The following HGFAC variants were observed in gnomAD, a reference collection of about 807,000 sequenced individuals.
HGFAC encodes HGF activator.
In HGFAC, 76 loss-of-function variants were observed where a neutral mutation model predicts 70.6. The ratio of observed to expected loss-of-function variants is 1.08; its 90% CI spans 0.89 to 1.30. The LOEUF (loss-of-function observed/expected upper bound fraction) is 1.30. HGFAC is among the 50% of genes most tolerant of loss of function. HGFAC has a pLI of 0.00. For missense variants in HGFAC, 1,044 were observed against 933.7 expected (o/e 1.12, Z -1.54); for synonymous variants, 464 against 405.3 (o/e 1.14, Z -1.74).
rs1725658765 is a variant in HGFAC, at chr4:3,449,480, C to G, written c.*61C>G. 1.4e-6 allele frequency: 2 copies of G among 1,459,070 alleles called. No homozygotes were observed. Among genetic ancestry groups the G allele is most frequent in the Admixed American group, 2.4e-5 (1 of 41,060 alleles). The allele number at this position is 1,459,070 out of a possible 1,614,324, so 90.4% of individuals were successfully genotyped here. On this transcript the variant is annotated 3_prime_UTR_variant, in exon 14 of 14. Coordinates refer to ENST00000382774, the MANE Select transcript of HGFAC (RefSeq NM_001528.4). Reference sequence around the variant, plus strand: ...TGCCTTGCTGACAATAAAGATATTTCCAAGAACCCGGCCCACGCTGCCTGG... The same window carrying G: ...TGCCTTGCTGACAATAAAGATATTTGCAAGAACCCGGCCCACGCTGCCTGG...
chr4:3,443,678 G>A (rs1306203837), intron 4 of HGFAC, among the ~76,000 whole-genome samples: 1 of 152,188 alleles, frequency 6.6e-6, no homozygotes, highest in Admixed American at 6.5e-5. Context: ...CAGCCACACA[G>A]GCGTGCCCCA....
chr4:3,446,798 C>T (rs1039320574), intron 10 of HGFAC, among the ~76,000 whole-genome samples: 14 of 152,304 alleles, frequency 9.2e-5, no homozygotes, highest in Non-Finnish European at 1.9e-4. Context: ...ACGGAGCAGC[C>T]TGGGCCAGAC....
chr4:3,445,045 C>T (rs755317395), intron 8 of HGFAC, 52 bp downstream of exon 8: 14 of 1,490,520 alleles, frequency 9.4e-6, no homozygotes, highest in African/African-American at 1.4e-5. Flanking sequence ...CAGGATTTGT[C>T]CTGGGGAGAG....
chr4:3,446,850 G>A (rs1669125870), intron 10 of HGFAC, among the ~76,000 whole-genome samples: 1 of 152,192 alleles, frequency 6.6e-6, no homozygotes, highest in African/African-American at 2.4e-5. Flanking sequence ...TTAGGGGCAG[G>A]GGTCCGGCCA....
At chr4:3,444,470 C>G (rs1412804627) in intron 6 of HGFAC, 28 bp downstream of exon 6, 1 of 1,562,308 alleles carries the variant, frequency 6.4e-7, no homozygotes. Flanking sequence ...AGCCGTGCCA[C>G]TGACCCCTGA....
At chr4:3,445,753 CTGACTG>C (rs1725486010) in intron 9 of HGFAC, 1 of 976,704 alleles carries the variant, frequency 1.0e-6, no homozygotes, top group South Asian at 1.5e-5. Flanking sequence ...GTGGGGGTCT[CTGACTG>C]TGCTGGGGCT....
chr4:3,444,618 C>T lies in HGFAC; in HGVS notation c.731-5C>T. ...CCTGGCCCAGCTCCTCGGCCCTGCC[C>T]CCAGCTTGTCTGAGCAGCCCTTGCC... On this transcript the variant is annotated splice_region_variant and splice_polypyrimidine_tract_variant and intron_variant, in intron 6 of 13. Coordinates refer to ENST00000382774, the MANE Select transcript of HGFAC (RefSeq NM_001528.4). 6.3e-7 allele frequency: 1 copy of T among 1,589,352 alleles called. No individual in the cohort carries two copies. Among genetic ancestry groups the T allele is most frequent in the Non-Finnish European group, 8.5e-7 (1 of 1,173,636 alleles).
chr4:3,442,177 T>G, intron 1 of HGFAC, 59 bp downstream of exon 1: 1 of 1,343,964 alleles, frequency 7.4e-7, no homozygotes, highest in Non-Finnish European at 1.0e-6. Context: ...TTGGGGTCCT[T>G]GGGAGGAGGC....
chr4:3,447,793 G>A, intron 11 of HGFAC, 102 bp from the exon 12 acceptor site: 2 of 1,540,884 alleles, frequency 1.3e-6, no homozygotes, highest in East Asian at 2.3e-5. Context: ...CTCCCAGGCT[G>A]CCCTGTGGAC....
intron 4 of HGFAC, among the ~76,000 whole-genome samples, chr4:3,443,627 G>C (rs1021896168): frequency 2.6e-5 from 4 of 152,184 alleles, no homozygotes; most frequent in African/African-American, 9.7e-5. Flanking sequence ...CGCGGCCATC[G>C]CTGGGGCCAA....
At chr4:3,448,534 G>T (rs1269577569) in intron 13 of HGFAC, among the ~76,000 whole-genome samples, 1 of 152,192 alleles carries the variant, frequency 6.6e-6, no homozygotes, top group South Asian at 2.1e-4. Flanking sequence ...GTCCCACAGA[G>T]CCCGGACAGT....
intron 1 of HGFAC, 135 bp from the exon 2 acceptor site, chr4:3,442,597 C>T (rs534192086): frequency 1.4e-5 from 8 of 569,300 alleles, no homozygotes; most frequent in Admixed American, 5.9e-5. Context: ...TCAGGAATGT[C>T]GTGTGTCCTC....
upstream of HGFAC, among the ~76,000 whole-genome samples, chr4:3,441,337 TG>T (rs557501453): frequency 2.0e-5 from 3 of 152,170 alleles, no homozygotes; most frequent in East Asian, 3.9e-4. This position sits in a 1 kb window ranked among gnomAD's most constrained non-coding sequence, Gnocchi z 6.0. Flanking sequence ...CAGGGGCTGC[TG>T]GGGGGCCCTG....
chr4:3,444,137 T>A lies in HGFAC; in HGVS notation c.574T>A (p.Phe192Ile), dbSNP rs150376439. The stretch of plus-strand genomic sequence containing the variant: ...CTATCACTGCAGCTGCCCCCGGGCC[T>A]TCACCGGCAAGGACTGCGGCACAGG... ...QSYHCSCPRA[F>I]TGKDCGTEKC... is the part of the protein sequence containing the mutation. The change falls in exon 5 of 14, where the codon TTC becomes ATC. Residue 192 changes from phenylalanine (F) to isoleucine (I), a missense_variant. Phe to Ile is a conservative substitution (Grantham distance 21, BLOSUM62 0). Coordinates refer to ENST00000382774, the MANE Select transcript of HGFAC (RefSeq NM_001528.4). 1.5e-3 allele frequency: 2,405 copies of A among 1,610,912 alleles called. 21 individuals are homozygous for A. Among genetic ancestry groups the A allele is most frequent in the East Asian group, 9.8e-3 (440 of 44,760 alleles).
rs1725363292 is a variant in HGFAC, at chr4:3,442,914, T to C, written c.298+2T>C. On this transcript the variant is annotated splice_donor_variant, in intron 2 of 13. Coordinates refer to ENST00000382774, the MANE Select transcript of HGFAC (RefSeq NM_001528.4). LOFTEE classifies it high-confidence loss of function. Reference sequence around the variant, plus strand: ...CGAGCAGTAGCCCCCAGGCCCAAGGTGGGTCAGGTGGGCCTGGGAGGAGGT... The same window carrying C: ...CGAGCAGTAGCCCCCAGGCCCAAGGCGGGTCAGGTGGGCCTGGGAGGAGGT... The C allele has an allele frequency of 7.1e-6, 11 of 1,558,730 alleles. 1 individual carries two copies. Among genetic ancestry groups the C allele is most frequent in the African/African-American group, 2.8e-5 (2 of 72,030 alleles).
In HGFAC at chr4:3,444,965, C is replaced by T; in HGVS notation, c.988C>T (p.Leu330=). 1 of 1,599,826 alleles carries T rather than the reference C, an allele frequency of 6.3e-7. No homozygotes were observed. The change falls in exon 8 of 14, where the codon CTG becomes TTG. Residue 330 remains leucine (L), a synonymous_variant. Transcript: ENST00000382774. ...HVDSVGAAAL[L]GLGPHAYCRN... The stretch of plus-strand genomic sequence containing the variant: ...GGACTCCGTGGGCGCCGCGGCCCTG[C>T]TGGGCCTGGGCCCCCATGCCTACTG...
intron 7 of HGFAC, 40 bp downstream of exon 7, chr4:3,444,773 C>G (rs372328673): frequency 6.3e-7 from 1 of 1,576,646 alleles, no homozygotes; most frequent in African/African-American, 1.3e-5. Flanking sequence ...GGGGCAGTGC[C>G]GGGTGGACCC....
At chr4:3,442,204 A>G (rs13108218) in intron 1 of HGFAC, 86 bp downstream of exon 1, 603,093 of 1,023,610 alleles carry the variant, frequency 0.59, 180,670 homozygotes, top group Non-Finnish European at 0.6. Context: ...GAGGGTCGCC[A>G]CAGAGCGTGG....
At chr4:3,441,133 C>G (rs1725294307), upstream of HGFAC, among the ~76,000 whole-genome samples, 1 of 152,140 alleles carries the variant, frequency 6.6e-6, no homozygotes, top group African/African-American at 2.4e-5. This position sits in a 1 kb window ranked among gnomAD's most constrained non-coding sequence, Gnocchi z 6.0. Flanking sequence ...CAGCTCTGCC[C>G]ACAGCCCCAA....
Sources: allele counts gnomAD v4.1 joint callset (sites outside exome capture counted in the v4.1 genomes callset), GRCh38; gene constraint gnomAD v4.1.1; non-coding constraint Gnocchi (gnomAD v3.1); transcripts MANE v1.5; gene names NCBI Gene and HGNC (gene_info 2026-07-23, HGNC 2026-07-21).